The following GRIK4 variants were observed in gnomAD, a reference collection of about 807,000 sequenced individuals.
GRIK4 encodes the protein glutamate receptor ionotropic, kainate 4.
A neutral mutation model predicts 104.9 loss-of-function variants in GRIK4; 40 were observed. The observed-to-expected ratio is 0.38, with a 90% CI of 0.30 to 0.50. GRIK4 has a LOEUF of 0.50. Among genes scored for constraint, GRIK4 ranks in the 20% least tolerant of loss-of-function variants. GRIK4 has a pLI of 0.93. For synonymous variants in GRIK4, 485 were observed against 524.9 expected, an observed-to-expected ratio of 0.92 and a Z score of 1.04; for missense variants, 1,047 against 1,308.1, an observed-to-expected ratio of 0.80 and a Z score of 3.08.
intron 3 of GRIK4, among the ~76,000 whole-genome samples, chr11:120,796,035 ATT>A (rs34803231): frequency 0.8 from 99,609 of 125,230 alleles, 39,235 homozygotes; most frequent in African/African-American, 0.85. Context: ...TTTTTCCTGA[ATT>A]TTTTTTTTTT....
intron 1 of GRIK4, among the ~76,000 whole-genome samples, chr11:120,567,671 T>G (rs1424959612): frequency 1.3e-5 from 2 of 152,118 alleles, no homozygotes; most frequent in African/African-American, 2.4e-5. Context: ...AGAGTGATGA[T>G]ATCCATGAAA....
chr11:120,792,501 GA>G (rs1952418664), intron 3 of GRIK4, among the ~76,000 whole-genome samples: 1 of 152,054 alleles, frequency 6.6e-6, no homozygotes, highest in Admixed American at 6.6e-5. Context: ...TGCCAGCCTG[GA>G]GGCAGGAAAA....
intron 3 of GRIK4, among the ~76,000 whole-genome samples, chr11:120,674,152 C>T (rs567083137): frequency 1.7e-4 from 26 of 152,280 alleles, no homozygotes; most frequent in African/African-American, 5.5e-4. Flanking sequence ...TGGATTGGAT[C>T]CAATTCATCA....
intron 19 of GRIK4, among the ~76,000 whole-genome samples, chr11:120,980,058 A>T (rs1944626006): frequency 6.6e-6 from 1 of 152,062 alleles, no homozygotes; most frequent in African/African-American, 2.4e-5. Context: ...CTGGTCTCGA[A>T]CTCCTGACAT....
intron 3 of GRIK4, among the ~76,000 whole-genome samples, chr11:120,716,709 C>T (rs1243058406): frequency 6.6e-6 from 1 of 152,162 alleles, no homozygotes; most frequent in African/African-American, 2.4e-5. Flanking sequence ...GCCCCCAGCA[C>T]CCCTGACCTG....
intron 3 of GRIK4, among the ~76,000 whole-genome samples, chr11:120,721,138 A>G (rs1950927164): frequency 6.6e-6 from 1 of 152,178 alleles, no homozygotes; most frequent in South Asian, 2.1e-4. Context: ...GGCAATTACA[A>G]CATCTGTGGG....
intron 11 of GRIK4, chr11:120,894,477 T>C (rs1942515205): frequency 6.6e-6 from 1 of 152,232 alleles, no homozygotes; most frequent in South Asian, 2.1e-4. Flanking sequence ...GGGTGCTTTT[T>C]TCTTATCTGC....
intron 3 of GRIK4, among the ~76,000 whole-genome samples, chr11:120,719,749 C>A (rs979506163): frequency 1.3e-5 from 2 of 152,198 alleles, no homozygotes; most frequent in African/African-American, 4.8e-5. Flanking sequence ...GCCCAATATT[C>A]AAAACCAGAA....
chr11:120,608,474 G>A (rs1433042770), intron 1 of GRIK4, among the ~76,000 whole-genome samples: 2 of 152,232 alleles, frequency 1.3e-5, no homozygotes, highest in East Asian at 1.9e-4. Context: ...GCACGCATGT[G>A]TATTTTTCAG....
At chr11:120,580,977 T>C (rs1348455631) in intron 1 of GRIK4, among the ~76,000 whole-genome samples, 1 of 152,244 alleles carries the variant, frequency 6.6e-6, no homozygotes, top group Non-Finnish European at 1.5e-5. Context: ...ATGAGGCGTA[T>C]GGTTGTATCT....
chr11:120,547,440 ACT>A (rs1175257626), intron 1 of GRIK4, among the ~76,000 whole-genome samples: 2 of 151,862 alleles, frequency 1.3e-5, no homozygotes, highest in African/African-American at 4.8e-5. Flanking sequence ...GCTCCTTTAG[ACT>A]CTGGTCGGCG....
chr11:120,854,308 C>T (rs1954049394), intron 8 of GRIK4, among the ~76,000 whole-genome samples: 2 of 152,168 alleles, frequency 1.3e-5, no homozygotes, highest in African/African-American at 2.4e-5. Flanking sequence ...GCTTGAAACC[C>T]CACTGTTAAG....
chr11:120,788,679 T>C (rs1287516251), intron 3 of GRIK4, among the ~76,000 whole-genome samples: 6 of 152,104 alleles, frequency 3.9e-5, no homozygotes, highest in Admixed American at 3.3e-4. Context: ...AGGGCTTGCT[T>C]CAGAAAGCGC....
chr11:120,809,100 C>T (rs1369465315), intron 4 of GRIK4, among the ~76,000 whole-genome samples: 1 of 152,214 alleles, frequency 6.6e-6, no homozygotes, highest in African/African-American at 2.4e-5. Context: ...CTGAACTGCT[C>T]TCTGTCCGGA....
intron 13 of GRIK4, among the ~76,000 whole-genome samples, chr11:120,923,484 C>CTCACTGCA (rs1243803465): frequency 7.1e-6 from 1 of 140,410 alleles, no homozygotes; most frequent in Non-Finnish European, 1.5e-5. Context: ...GCGATCTCGG[C>CTCACTGCA]TCACTGCAAG....
intron 13 of GRIK4, among the ~76,000 whole-genome samples, chr11:120,926,177 T>C (rs564516892): frequency 6.6e-6 from 1 of 152,122 alleles, no homozygotes; most frequent in South Asian, 2.1e-4. Flanking sequence ...CCACATACCA[T>C]AACCTGCCTG....
intron 1 of GRIK4, among the ~76,000 whole-genome samples, chr11:120,604,080 G>A (rs576898896): frequency 1.3e-5 from 2 of 150,882 alleles, no homozygotes; most frequent in Non-Finnish European, 2.9e-5. Flanking sequence ...GCTGAGGCAG[G>A]AGAATGGCAT....
chr11:120,583,989 C>T (rs1034736159), intron 1 of GRIK4, among the ~76,000 whole-genome samples: 15 of 152,242 alleles, frequency 9.9e-5, no homozygotes, highest in African/African-American at 3.1e-4. Flanking sequence ...TGAATAGAAT[C>T]GTACTCTTGA....
chr11:120,512,030 A>T, intron 1 of GRIK4, 143 bp downstream of exon 1: 1 of 54,974 alleles, frequency 1.8e-5, no homozygotes, highest in Admixed American at 1.9e-4. Context: ...GCGGCCCCGC[A>T]CCCCTGCCCC....
Sources: gnomAD v4.1 joint callset for allele counts (sites outside exome capture counted in the v4.1 genomes callset) on GRCh38, gnomAD v4.1.1 for gene constraint, MANE v1.5 for transcripts, NCBI Gene and HGNC (gene_info 2026-07-23, HGNC 2026-07-21) for gene names.